CACNA2D1: variants seen among roughly 807,000 people sequenced by gnomAD.
CACNA2D1 encodes the protein voltage-dependent calcium channel subunit alpha-2/delta-1.
A neutral mutation model predicts 171.5 loss-of-function variants in CACNA2D1; 53 were observed. That is an observed-to-expected ratio of 0.31 (90% CI 0.25 to 0.39). CACNA2D1 has a LOEUF of 0.39. Among genes scored for constraint, CACNA2D1 ranks in the 10% least tolerant of loss-of-function variants. The pLI is 1.00. For synonymous variants in CACNA2D1, 442 were observed against 443.1 expected, an observed-to-expected ratio of 1.00 and a Z score of 0.03; for missense variants, 903 against 1,299.8, an observed-to-expected ratio of 0.69 and a Z score of 4.69.
At chr7:82,282,392 T>C (rs1288901890) in intron 3 of CACNA2D1, among the ~76,000 whole-genome samples, 1 of 152,128 alleles carries the variant, frequency 6.6e-6, no homozygotes, top group African/African-American at 2.4e-5. Flanking sequence ...AATATCGGAA[T>C]TGAAAATACC....
Position 82,157,479 on chromosome 7 carries a change from A to C in CACNA2D1, c.354+13071T>G, listed in dbSNP as rs3801735. 4.6e-5 allele frequency among the ~76,000 whole-genome samples: 7 copies of C among 151,724 alleles called. 1 individual carries two copies. The South Asian group carries it at 1.4e-3, about 31-fold the overall frequency. On this transcript the variant is annotated intron_variant, in intron 4 of 38. Transcript: ENST00000356860. ...GACTTGTGAGACAGAAGAAACTTCG[A>C]GGATTAAAATCCAGGTTATTAAATT...
intron 24 of CACNA2D1, among the ~76,000 whole-genome samples, chr7:81,980,840 A>G (rs1796370822): frequency 6.6e-6 from 1 of 152,106 alleles, no homozygotes. Context: ...GCAGAGAAGG[A>G]CAACTAACAG....
intron 1 of CACNA2D1, among the ~76,000 whole-genome samples, chr7:82,372,629 A>G (rs1383210188): frequency 7.2e-6 from 1 of 138,792 alleles, no homozygotes; most frequent in South Asian, 2.6e-4. Flanking sequence ...TTTATTTTCT[A>G]ATCTTACCTA....
rs190634063 is a variant in CACNA2D1 at position 82,328,548 on chromosome 7, C to T, written c.294+6587G>A. 1.3e-3 allele frequency among the ~76,000 whole-genome samples: 191 copies of T among 152,062 alleles called. 3 individuals are homozygous for T. In the South Asian group the frequency reaches 0.016, roughly 13 times the overall value. On this transcript the variant is annotated intron_variant, in intron 3 of 38. Coordinates refer to ENST00000356860, the MANE Select transcript of CACNA2D1 (RefSeq NM_000722.4). ...TCCTTCTGTCCCAAGTGAAATATTC[C>T]GCCATCTTTTCAAAGAAAATTGCAT...
chr7:82,085,165 C>T (rs144655331), intron 6 of CACNA2D1, among the ~76,000 whole-genome samples: 34 of 152,248 alleles, frequency 2.2e-4, no homozygotes, highest in African/African-American at 7.9e-4. Flanking sequence ...CTTTGTATGA[C>T]AGTGTCCCTA....
intron 38 of CACNA2D1, among the ~76,000 whole-genome samples, chr7:81,953,098 C>T (rs1792799206): frequency 1.3e-5 from 2 of 151,942 alleles, no homozygotes; most frequent in African/African-American, 4.8e-5. Flanking sequence ...AGCTGGGAAT[C>T]CATCCTCTAA....
At chr7:82,137,953 T>C (rs1041345719) in intron 4 of CACNA2D1, among the ~76,000 whole-genome samples, 12 of 152,168 alleles carry the variant, frequency 7.9e-5, no homozygotes, top group African/African-American at 2.9e-4. Context: ...CTTCTCAGTG[T>C]ATTCCCTTTC....
intron 7 of CACNA2D1, among the ~76,000 whole-genome samples, chr7:82,071,690 G>C (rs924502205): frequency 3.9e-5 from 6 of 152,106 alleles, no homozygotes; most frequent in African/African-American, 1.4e-4. Flanking sequence ...GCCTGTAACA[G>C]GGCTTCAATA....
At position 81,995,990 on chromosome 7, in the gene CACNA2D1, C is replaced by T. The variant is rs567051193; in HGVS notation, c.1663-1051G>A. On this transcript the variant is annotated intron_variant, in intron 19 of 38. Transcript: ENST00000356860. ...AGGAATAATTTGAATTTGAAGAACA[C>T]GAATGTTTGATGTATCTAATTTAGT... 1.6e-4 allele frequency among the ~76,000 whole-genome samples: 25 copies of T among 152,012 alleles called. No homozygotes were observed. In the South Asian group the frequency reaches 3.9e-3, roughly 24 times the overall value.
intron 6 of CACNA2D1, among the ~76,000 whole-genome samples, chr7:82,109,614 T>A (rs1788135739): frequency 6.6e-6 from 1 of 152,300 alleles, no homozygotes; most frequent in East Asian, 1.9e-4. Context: ...AAAAAAATAT[T>A]TTTTGGAATT....
intron 3 of CACNA2D1, among the ~76,000 whole-genome samples, chr7:82,294,764 C>G (rs1812060109): frequency 6.6e-6 from 1 of 152,024 alleles, no homozygotes; most frequent in South Asian, 2.1e-4. Flanking sequence ...AAGTATCAAT[C>G]TTATCATTCT....
At chr7:82,349,472 T>A (rs1031003132) in intron 2 of CACNA2D1, 96 bp downstream of exon 2, 1 of 973,616 alleles carries the variant, frequency 1.0e-6, no homozygotes, top group Non-Finnish European at 1.7e-6. Context: ...AGAAATCATA[T>A]CCCATTTGTA....
intron 23 of CACNA2D1, 36 bp downstream of exon 23, chr7:81,983,278 A>T: frequency 6.4e-7 from 1 of 1,562,972 alleles, no homozygotes; most frequent in Non-Finnish European, 8.8e-7. Context: ...CAAGTGTACT[A>T]AACAGAAAGA....
chr7:82,249,844 T>C (rs1805412253), intron 3 of CACNA2D1, among the ~76,000 whole-genome samples: 1 of 152,232 alleles, frequency 6.6e-6, no homozygotes, highest in Admixed American at 6.5e-5. Context: ...CTACATTTTA[T>C]GACAGTTACA....
chr7:82,359,931 C>G (rs1820896695), intron 1 of CACNA2D1, among the ~76,000 whole-genome samples: 1 of 152,270 alleles, frequency 6.6e-6, no homozygotes, highest in East Asian at 1.9e-4. Context: ...CTCTTTAATT[C>G]TCACAAAAAT....
chr7:82,185,490 AGGGGG>A (rs1797594473), intron 3 of CACNA2D1, among the ~76,000 whole-genome samples: 1 of 15,394 alleles, frequency 6.5e-5, no homozygotes, highest in African/African-American at 2.1e-4. Flanking sequence ...GGGGAGGAGG[AGGGGG>A]AGGGGAGGGG....
chr7:82,064,432 ACT>A (rs1462655587), intron 8 of CACNA2D1, 78 bp from the exon 9 acceptor site: 22 of 1,085,860 alleles, frequency 2.0e-5, no homozygotes, highest in Non-Finnish European at 3.1e-5. Context: ...ATATTTACTG[ACT>A]CTGAGACAAG....
chr7:82,410,597 G>A, intron 1 of CACNA2D1: 1 of 782,030 alleles, frequency 1.3e-6, no homozygotes, highest in African/African-American at 1.9e-5. Flanking sequence ...CCTCACACCT[G>A]TCAAGGGAGG....
intron 6 of CACNA2D1, 120 bp from the exon 7 acceptor site, chr7:82,085,020 A>C: frequency 1.1e-6 from 1 of 903,634 alleles, no homozygotes; most frequent in Admixed American, 2.1e-5. Flanking sequence ...AATAACTCTA[A>C]TCCAGTAGTT....
Sources: allele counts gnomAD v4.1 joint callset (sites outside exome capture counted in the v4.1 genomes callset), GRCh38; gene constraint gnomAD v4.1.1; transcripts MANE v1.5; gene names NCBI Gene and HGNC (gene_info 2026-07-23, HGNC 2026-07-21).